ESYT2: variants seen among roughly 807,000 people sequenced by gnomAD.
ESYT2 encodes the protein extended synaptotagmin-2.
Under a neutral mutation model 107.2 loss-of-function variants are expected in ESYT2, and 54 were observed. The observed-to-expected ratio is 0.50, with a 90% confidence interval of 0.40 to 0.63. The LOEUF is 0.63. ESYT2 is among the 30% of genes least tolerant of loss of function. The pLI is 0.00. For synonymous variants in ESYT2, 491 were observed against 434.1 expected (o/e 1.13, Z -1.63); for missense variants, 1,020 against 1,094.5 (o/e 0.93, Z 0.96).
At chr7:158,742,535 G>A (rs1428380034) in intron 17 of ESYT2, among the ~76,000 whole-genome samples, 3 of 152,210 alleles carry the variant, frequency 2.0e-5, no homozygotes, top group Non-Finnish European at 2.9e-5. Flanking sequence ...TCCACCCGGC[G>A]TCCCCAGAGG....
intron 9 of ESYT2, among the ~76,000 whole-genome samples, chr7:158,764,362 CATT>C (rs370397231): frequency 1.0e-3 from 155 of 152,268 alleles, no homozygotes; most frequent in African/African-American, 3.5e-3. Flanking sequence ...GTGTTTACTG[CATT>C]AATAACCACA....
Position 158,741,625 on chromosome 7 carries a change from G to C in ESYT2, c.2066C>G (p.Pro689Arg), listed in dbSNP as rs757060506. ...CGGCTCCTTGACTGAGATGTGGCCT[G>C]GGGAGGCCAGGAGGCTGGAGGAGCT... ...GRSSSSLLAS[P>R]GHISVKEPTP... The change falls in exon 18 of 23, where the codon CCA (proline) becomes CGA (arginine). Residue 689 changes from proline to arginine, a missense_variant. By Grantham distance (103) the Pro-to-Arg change is moderately radical. Transcript: ENST00000275418. The C allele has an allele frequency of 6.2e-7, 1 of 1,613,284 alleles. No homozygotes were observed. Among genetic ancestry groups the C allele is most frequent in the Non-Finnish European group, 8.5e-7 (1 of 1,180,022 alleles).
At chr7:158,759,432 A>G in intron 13 of ESYT2, 54 bp downstream of exon 13, 5 of 1,413,912 alleles carry the variant, frequency 3.5e-6, no homozygotes, top group Non-Finnish European at 5.0e-6. Flanking sequence ...GGTTATAAGC[A>G]AGAGCAGCTG....
At chr7:158,788,727 G>C (rs3850489) in intron 4 of ESYT2, among the ~76,000 whole-genome samples, 1 of 152,072 alleles carries the variant, frequency 6.6e-6, no homozygotes, top group Non-Finnish European at 1.5e-5. Context: ...TTCAAAAGAA[G>C]ATGCGAATAA....
chr7:158,794,138 T>C (rs1027073491), intron 3 of ESYT2, among the ~76,000 whole-genome samples: 1 of 152,274 alleles, frequency 6.6e-6, no homozygotes, highest in Non-Finnish European at 1.5e-5. Flanking sequence ...CCATCCTTAC[T>C]ACCATGTTTG....
intron 20 of ESYT2, 142 bp downstream of exon 20, chr7:158,736,906 T>C: frequency 2.0e-6 from 2 of 1,008,676 alleles, no homozygotes; most frequent in Non-Finnish European, 2.9e-6. Flanking sequence ...TTTTGAGAAG[T>C]ATGTTTGCTA....
rs142182385 is a variant in ESYT2 at position 158,743,649 on chromosome 7, C to T, written c.1674G>A (p.Leu558=). ...GGCTGAGGGGGACCTTCAGGTTCCC[C>T]AGGGAACACTGGTGCTGCTCGTCTC... ...EVRDEQHQCS[L]GNLKVPLSQL... The change falls in exon 17 of 23, where the codon CTG becomes CTA. Residue 558 remains leucine, a synonymous_variant. Coordinates refer to ENST00000275418, the MANE Select transcript of ESYT2 (RefSeq NM_001367773.1). 3.7e-6 allele frequency: 6 copies of T among 1,613,036 alleles called. No homozygotes were observed. The African/African-American group carries it at 8.0e-5, about 22-fold the overall frequency.
rs182206187 is a variant in ESYT2 at position 158,823,947 on chromosome 7, C to T, written c.330+5142G>A. ...ATTTCAGTCCTAGCTCTATACCCTC[C>T]CATCCTTAAATGTAGAATGATAATA... On this transcript the variant is annotated intron_variant, in intron 1 of 22. Transcript: ENST00000275418. Among the ~76,000 whole-genome samples the T allele has an allele frequency of 4.2e-3, 641 of 152,218 alleles. 1 individual carries two copies. The highest frequency in any genetic ancestry group is 6.8e-3 in the Non-Finnish European group (464 of 68,020).
chr7:158,793,244 G>A (rs1265473745), intron 4 of ESYT2, among the ~76,000 whole-genome samples: 2 of 152,034 alleles, frequency 1.3e-5, no homozygotes, highest in African/African-American at 4.8e-5. Flanking sequence ...CTTTTAATGT[G>A]GTGTGTTACA....
At chr7:158,772,102 A>G (rs1838394194) in intron 7 of ESYT2, among the ~76,000 whole-genome samples, 3 of 152,012 alleles carry the variant, frequency 2.0e-5, no homozygotes, top group Admixed American at 2.0e-4. Flanking sequence ...AGCCTGGGCA[A>G]CAGAGTGAGA....
intron 10 of ESYT2, 50 bp downstream of exon 10, chr7:158,763,033 A>C: frequency 1.5e-6 from 2 of 1,360,084 alleles, no homozygotes; most frequent in South Asian, 1.3e-5. Flanking sequence ...TATTAAACAA[A>C]AAGACTGACC....
chr7:158,780,126 C>A (rs1383410152), intron 6 of ESYT2, among the ~76,000 whole-genome samples: 1 of 152,210 alleles, frequency 6.6e-6, no homozygotes, highest in Non-Finnish European at 1.5e-5. Flanking sequence ...AATGTCAATA[C>A]TAGAAGCATC....
intron 4 of ESYT2, among the ~76,000 whole-genome samples, chr7:158,791,644 T>C (rs907715722): frequency 6.6e-6 from 1 of 152,238 alleles, no homozygotes; most frequent in Non-Finnish European, 1.5e-5. Context: ...TTCATTACGG[T>C]CTAGATTTGC....
At chr7:158,738,312 C>CAAAAAAA (rs1350264204) in intron 19 of ESYT2, among the ~76,000 whole-genome samples, 33 of 71,020 alleles carry the variant, frequency 4.6e-4, no homozygotes, top group African/African-American at 2.0e-3. Flanking sequence ...ACTCTGTCTC[C>CAAAAAAA]AAAAAAAAAA....
At position 158,762,861 on chromosome 7, in the gene ESYT2, G is replaced by A. The variant is rs546723100; in HGVS notation, c.1184+222C>T. On this transcript the variant is annotated intron_variant, in intron 10 of 22. Coordinates refer to ENST00000275418, the MANE Select transcript of ESYT2 (RefSeq NM_001367773.1). The stretch of plus-strand genomic sequence containing the variant: ...AATTAACTTAAGGCTAGTGCCTGCT[G>A]TAATAGACAGCACAGATCTAGAAGA... 4.9e-4 allele frequency among the ~76,000 whole-genome samples: 74 copies of A among 152,302 alleles called. 1 individual carries two copies. The highest frequency in any genetic ancestry group is 2.7e-3 in the South Asian group (13 of 4,828).
chr7:158,779,377 G>A (rs2129472795), intron 6 of ESYT2, among the ~76,000 whole-genome samples: 1 of 152,182 alleles, frequency 6.6e-6, no homozygotes, highest in Non-Finnish European at 1.5e-5. Flanking sequence ...GGGCAACACA[G>A]CAAGACTCCA....
At chr7:158,752,716 G>C (rs1327567247) in intron 14 of ESYT2, 65 bp downstream of exon 14, 5 of 1,123,190 alleles carry the variant, frequency 4.5e-6, no homozygotes, top group Non-Finnish European at 5.9e-6. Flanking sequence ...AAACTTATGA[G>C]ACAAAGTATC....
At chr7:158,814,005 T>C (rs369827245) in intron 1 of ESYT2, among the ~76,000 whole-genome samples, 2 of 152,040 alleles carry the variant, frequency 1.3e-5, no homozygotes, top group South Asian at 4.1e-4. Flanking sequence ...CCAGACGCGG[T>C]GGCTAACGCT....
chr7:158,752,694 T>A (rs1340333802), intron 14 of ESYT2, 87 bp downstream of exon 14: 2 of 855,910 alleles, frequency 2.3e-6, no homozygotes, highest in African/African-American at 3.5e-5. Flanking sequence ...ATATGGGAGG[T>A]AATTTGCCAA....
Sources: gnomAD v4.1 joint callset for allele counts (sites outside exome capture counted in the v4.1 genomes callset) on GRCh38, gnomAD v4.1.1 for gene constraint, MANE v1.5 for transcripts, NCBI Gene and HGNC (gene_info 2026-07-23, HGNC 2026-07-21) for gene names.